The following ASIC2 variants were observed in gnomAD, a reference collection of about 807,000 sequenced individuals.
ASIC2 encodes the protein acid-sensing ion channel 2.
Under a neutral mutation model 57.3 loss-of-function variants are expected in ASIC2, and 25 were observed. That is an observed-to-expected ratio of 0.44 (90% CI 0.32 to 0.61). ASIC2 has a LOEUF of 0.61. Among genes scored for constraint, ASIC2 ranks in the 20% least tolerant of loss-of-function variants. ASIC2 has a pLI of 0.06. For synonymous variants in ASIC2, 319 were observed against 307.5 expected, an observed-to-expected ratio of 1.04 and a Z score of -0.39; for missense variants, 641 against 738.1, an observed-to-expected ratio of 0.87 and a Z score of 1.52.
At chr17:33,526,502 G>C (rs1914888305) in intron 1 of ASIC2, among the ~76,000 whole-genome samples, 1 of 152,112 alleles carries the variant, frequency 6.6e-6, no homozygotes, top group East Asian at 1.9e-4. Context: ...ACAGATCCAG[G>C]CTCTTCTGCT....
chr17:33,248,056 CA>C (rs1908754101), intron 1 of ASIC2, among the ~76,000 whole-genome samples: 1 of 152,004 alleles, frequency 6.6e-6, no homozygotes, highest in Admixed American at 6.6e-5. Flanking sequence ...ATGGGGATGC[CA>C]GGGGAAGAGG....
At chr17:33,681,679 C>A (rs73984355) in intron 1 of ASIC2, among the ~76,000 whole-genome samples, 13,561 of 152,270 alleles carry the variant, frequency 0.089, 826 homozygotes, top group African/African-American at 0.15. Flanking sequence ...TTCCTGAAAT[C>A]CTGAAATTTT....
intron 1 of ASIC2, among the ~76,000 whole-genome samples, chr17:33,219,048 A>T (rs1001455404): frequency 6.6e-6 from 1 of 152,168 alleles, no homozygotes; most frequent in African/African-American, 2.4e-5. Context: ...CTTTTGTGCA[A>T]ACGAGACCAG....
In ASIC2 at chr17:34,154,171, G is replaced by C. The variant is rs148777665; in HGVS notation, c.555+1807C>G. On this transcript the variant is annotated intron_variant, in intron 1 of 9. Coordinates refer to the ASIC2 transcript ENST00000359872. ...TTCAGGCAGACAGAGGAACAGCTGA[G>C]TGCATTTCCAAGCTGCACGGTGCAG... 5.5e-3 allele frequency among the ~76,000 whole-genome samples: 842 copies of C among 152,324 alleles called. 7 individuals are homozygous for C. Among genetic ancestry groups the C allele is most frequent in the African/African-American group, 0.019 (808 of 41,572 alleles).
intron 1 of ASIC2, among the ~76,000 whole-genome samples, chr17:33,272,221 T>G (rs1429176151): frequency 6.6e-6 from 1 of 152,226 alleles, no homozygotes; most frequent in East Asian, 1.9e-4. Context: ...TATTTTGTTG[T>G]CTTCAGAGCA....
At chr17:34,054,904 T>G (rs1263056717) in intron 1 of ASIC2, among the ~76,000 whole-genome samples, 4 of 152,110 alleles carry the variant, frequency 2.6e-5, no homozygotes, top group Admixed American at 2.0e-4. Flanking sequence ...GTAACCAAAA[T>G]GTATCTATTG....
intron 1 of ASIC2, among the ~76,000 whole-genome samples, chr17:34,013,874 C>T (rs184819783): frequency 8.1e-4 from 123 of 152,292 alleles, no homozygotes; most frequent in African/African-American, 2.8e-3. Context: ...TTCTTTACCC[C>T]GCAGCCCTCA....
At chr17:33,672,226 G>C (rs569207025) in intron 1 of ASIC2, among the ~76,000 whole-genome samples, 1 of 152,210 alleles carries the variant, frequency 6.6e-6, no homozygotes, top group Admixed American at 6.5e-5. Context: ...TCCCATTTGA[G>C]CAACTTCTTA....
At chr17:33,189,046 T>C (rs570899420) in intron 1 of ASIC2, among the ~76,000 whole-genome samples, 26 of 152,330 alleles carry the variant, frequency 1.7e-4, no homozygotes, top group South Asian at 4.1e-4. Context: ...ATACTATACA[T>C]ACAGTCGTAT....
At chr17:33,410,730 C>T (rs1261122744) in intron 1 of ASIC2, among the ~76,000 whole-genome samples, 2 of 152,228 alleles carry the variant, frequency 1.3e-5, no homozygotes, top group Non-Finnish European at 1.5e-5. Flanking sequence ...CCTCAAGTCA[C>T]TCCTCTCTTC....
intron 3 of ASIC2, among the ~76,000 whole-genome samples, chr17:33,064,941 A>T (rs530592520): frequency 6.6e-6 from 1 of 152,160 alleles, no homozygotes; most frequent in Non-Finnish European, 1.5e-5. Flanking sequence ...TTTGCACAGT[A>T]CTGTGGGGAA....
intron 1 of ASIC2, among the ~76,000 whole-genome samples, chr17:33,963,704 A>T (rs1244230112): frequency 6.6e-6 from 1 of 152,142 alleles, no homozygotes; most frequent in African/African-American, 2.4e-5. Flanking sequence ...TCTGAATGAG[A>T]CCTTTAAACT....
intron 3 of ASIC2, among the ~76,000 whole-genome samples, chr17:33,048,397 G>A (rs1334533280): frequency 6.6e-6 from 1 of 152,146 alleles, no homozygotes; most frequent in Non-Finnish European, 1.5e-5. Context: ...AGGGCCTCTC[G>A]TCTCTGAGGA....
chr17:33,474,580 C>T (rs1913158398), intron 1 of ASIC2, among the ~76,000 whole-genome samples: 1 of 152,144 alleles, frequency 6.6e-6, no homozygotes, highest in Non-Finnish European at 1.5e-5. Flanking sequence ...CAGCAGGCCA[C>T]CTTGAGAGGG....
chr17:33,578,672 C>G (rs191215982), intron 1 of ASIC2, among the ~76,000 whole-genome samples: 5 of 152,026 alleles, frequency 3.3e-5, no homozygotes, highest in East Asian at 1.9e-4. Flanking sequence ...TTACTTCACT[C>G]CCCCCTCCTC....
rs1315056577 is a variant in ASIC2 at position 33,429,081 on chromosome 17, T to C, written c.556-317014A>G. On this transcript the variant is annotated intron_variant, in intron 1 of 9. Transcript: ENST00000359872. ...GCTCACCCAGGTGATCTCAGCCCTG[T>C]GTGTCAGGGTAAGGTGTCTGGTCTC... 2.6e-5 allele frequency among the ~76,000 whole-genome samples: 4 copies of C among 152,298 alleles called. No homozygotes were observed. The East Asian group carries it at 7.7e-4, about 29-fold the overall frequency.
chr17:33,623,472 T>C (rs1208582524), intron 1 of ASIC2: 1 of 151,906 alleles, frequency 6.6e-6, no homozygotes, highest in Non-Finnish European at 1.5e-5. Flanking sequence ...TTTCACCATA[T>C]TGGCCAGGAT....
intron 1 of ASIC2, among the ~76,000 whole-genome samples, chr17:34,099,067 G>A (rs966793042): frequency 2.1e-5 from 3 of 146,158 alleles, no homozygotes; most frequent in Non-Finnish European, 4.5e-5. Context: ...AGAGGGCGAT[G>A]CTCTAGAAAG....
chr17:33,446,647 C>A (rs1912030210), intron 1 of ASIC2, among the ~76,000 whole-genome samples: 2 of 152,112 alleles, frequency 1.3e-5, no homozygotes, highest in Non-Finnish European at 2.9e-5. Flanking sequence ...ACTCTCCTAC[C>A]CATCCTGTTA....
Sources: gnomAD v4.1 joint callset for allele counts (sites outside exome capture counted in the v4.1 genomes callset) on GRCh38, gnomAD v4.1.1 for gene constraint, MANE v1.5 for transcripts, NCBI Gene and HGNC (gene_info 2026-07-23, HGNC 2026-07-21) for gene names.